TTYH2: variants seen among roughly 807,000 people sequenced by gnomAD.
TTYH2 encodes protein tweety homolog 2.
A neutral mutation model predicts 68.3 loss-of-function variants in TTYH2; 49 were observed. That is an observed-to-expected ratio of 0.72 (90% confidence interval 0.57 to 0.91). The LOEUF is 0.91. TTYH2 is among the 40% of genes least tolerant of loss of function. TTYH2 has a pLI of 0.00. For synonymous variants in TTYH2, 272 were observed against 300.8 expected, an observed-to-expected ratio of 0.90 and a Z score of 0.99; for missense variants, 631 against 700.4, an observed-to-expected ratio of 0.90 and a Z score of 1.12.
At position 74,214,227 on chromosome 17, in the gene TTYH2, C is replaced by T. The variant is rs2050200182; in HGVS notation, c.129+511C>T. ...GTCGGTCTTCGCAGCACCCCTCCTC[C>T]CCAGCCCCGGCCTGCAGGGTGGGAG... is the stretch of plus-strand genomic sequence containing the variant. On this transcript the variant is annotated intron_variant, in intron 1 of 13. Transcript: ENST00000269346. This position sits in a 1 kb window ranked among gnomAD's most constrained non-coding sequence, Gnocchi z 4.6. Among the ~76,000 whole-genome samples, 1 of 152,014 alleles carries T rather than the reference C, an allele frequency of 6.6e-6. No individual in the cohort carries two copies. Among genetic ancestry groups the T allele is most frequent in the Non-Finnish European group, 1.5e-5 (1 of 67,960 alleles).
chr17:74,220,629 C>T (rs1035106933), intron 1 of TTYH2, among the ~76,000 whole-genome samples: 1 of 152,192 alleles, frequency 6.6e-6, no homozygotes, highest in South Asian at 2.1e-4. Context: ...TTTCCACCAT[C>T]TCTTTCTATC....
chr17:74,237,741 C>T (rs2050458801), intron 4 of TTYH2, among the ~76,000 whole-genome samples: 1 of 152,168 alleles, frequency 6.6e-6, no homozygotes, highest in East Asian at 1.9e-4. Context: ...ATTCTCTTGC[C>T]TCAGCCTCCC....
rs1399996928 is a variant in TTYH2 at position 74,215,150 on chromosome 17, G to A, written c.129+1434G>A. Reference sequence around the variant, plus strand: ...CCCAGAGAATGCATGAAAAGAGGCGGATATGATTTCAGAAACAGCCGTGTG... The same window carrying A: ...CCCAGAGAATGCATGAAAAGAGGCGAATATGATTTCAGAAACAGCCGTGTG... On this transcript the variant is annotated intron_variant, in intron 1 of 13. Transcript: ENST00000269346. This position sits in a 1 kb window ranked among gnomAD's most constrained non-coding sequence, Gnocchi z 4.3. Among the ~76,000 whole-genome samples the A allele has an allele frequency of 6.7e-6, 1 of 150,128 alleles. No individual in the cohort carries two copies. The highest frequency in any genetic ancestry group is 2.5e-5 in the African/African-American group (1 of 40,122).
chr17:74,222,788 CTT>C lies in TTYH2; in HGVS notation c.302+143_302+144del, dbSNP rs111287638. The C allele has an allele frequency of 0.013, 11,315 of 900,616 alleles. No individual in the cohort carries two copies. Among genetic ancestry groups the C allele is most frequent in the South Asian group, 0.019 (850 of 44,708 alleles). 55.8% of individuals were successfully genotyped at this position (900,616 alleles called of 1,614,324 possible). Reference sequence around the variant, plus strand: ...GCTTGTCCCCAGATGAATGTTGTCCCTTTTTTTTTTTTTACCAAGCATCAGGA... The same window carrying C: ...GCTTGTCCCCAGATGAATGTTGTCCCTTTTTTTTTTTACCAAGCATCAGGA... On this transcript the variant is annotated intron_variant, in intron 2 of 13. Transcript: ENST00000269346. The surrounding 1 kb of genome is among the most constrained non-coding windows in gnomAD (Gnocchi z 5.2).
chr17:74,237,217 G>T (rs2050452116), intron 3 of TTYH2, 77 bp from the exon 4 acceptor site: 2 of 1,466,040 alleles, frequency 1.4e-6, no homozygotes, highest in East Asian at 2.3e-5. Flanking sequence ...GCCACCTTCT[G>T]CTGCCTGCAA....
intron 4 of TTYH2, 85 bp downstream of exon 4, chr17:74,237,599 TGGA>T (rs1598222564): frequency 8.3e-7 from 1 of 1,205,596 alleles, no homozygotes; most frequent in East Asian, 2.4e-5. Context: ...GAGCTCCAGG[TGGA>T]GAAGGGCCAC....
intron 3 of TTYH2, among the ~76,000 whole-genome samples, chr17:74,231,764 G>A (rs1427067768): frequency 6.6e-6 from 1 of 152,148 alleles, no homozygotes; most frequent in Non-Finnish European, 1.5e-5. Flanking sequence ...CTGGCTTCCA[G>A]GCAGTGACTC....
At position 74,261,196 on chromosome 17, in the gene TTYH2, T is replaced by C. The variant is rs1331566692; in HGVS notation, c.*987T>C. ...TCTGGAGGAGACGGGAAGGAGTCGA[T>C]TCTTAAATAAGGATCAGTGAGGCAT... On this transcript the variant is annotated 3_prime_UTR_variant, in exon 14 of 14. Coordinates refer to ENST00000269346, the MANE Select transcript of TTYH2 (RefSeq NM_032646.6). 6.6e-6 allele frequency: 1 copy of C among 152,340 alleles called. No homozygotes were observed. The highest frequency in any genetic ancestry group is 1.5e-5 in the Non-Finnish European group (1 of 68,030). 9.4% of individuals were successfully genotyped at this position (152,340 alleles called of 1,614,324 possible). A position where few individuals can be genotyped will look rare whatever the true frequency, so the allele number is the denominator to read the frequency against.
chr17:74,259,737 C>T (rs1055673680), intron 13 of TTYH2, among the ~76,000 whole-genome samples: 2 of 152,124 alleles, frequency 1.3e-5, no homozygotes, highest in East Asian at 1.9e-4. Flanking sequence ...CTAGAAAAGG[C>T]TGGAGAACCT....
In TTYH2 at chr17:74,227,987, T is replaced by C. The variant is rs200134220; in HGVS notation, c.303-2901T>C. 2.6e-3 allele frequency among the ~76,000 whole-genome samples: 371 copies of C among 142,388 alleles called. 2 individuals are homozygous for C. Among genetic ancestry groups the C allele is most frequent in the Non-Finnish European group, 4.3e-3 (284 of 66,672 alleles). 93.4% of individuals were successfully genotyped at this position (142,388 alleles called of 152,430 possible). A position where few individuals can be genotyped will look rare whatever the true frequency, so the allele number is the denominator to read the frequency against. ...GAGGTTTCTTTTCTTTTCTTTCTTT[T>C]TTTTTTTTTTTTTTGAGATAGAGTC... On this transcript the variant is annotated intron_variant, in intron 2 of 13. Transcript: ENST00000269346.
Position 74,243,363 on chromosome 17 carries a change from C to G in TTYH2, c.636-11C>G, listed in dbSNP as rs776094338. The G allele has an allele frequency of 7.4e-6, 12 of 1,612,834 alleles. No homozygotes were observed. Among genetic ancestry groups the G allele is most frequent in the South Asian group, 2.2e-5 (2 of 91,040 alleles). ...CCTGCTGCTCCTGACCATCCCTGCC[C>G]CTCTACCCAGGTGGCTCTCCTACCT... On this transcript the variant is annotated splice_polypyrimidine_tract_variant and intron_variant, in intron 4 of 13. Coordinates refer to ENST00000269346, the MANE Select transcript of TTYH2 (RefSeq NM_032646.6).
At chr17:74,243,833 C>G in intron 5 of TTYH2, 144 bp from the exon 6 acceptor site, 1 of 724,822 alleles carries the variant, frequency 1.4e-6, no homozygotes, top group Non-Finnish European at 2.3e-6. Flanking sequence ...TGGTCCTTTC[C>G]TAGTAGTGAG....
At chr17:74,227,643 A>G (rs1223487510) in intron 2 of TTYH2, among the ~76,000 whole-genome samples, 1 of 151,954 alleles carries the variant, frequency 6.6e-6, no homozygotes, top group African/African-American at 2.4e-5. Context: ...TAGTTACACA[A>G]CTCTGGTTGA....
intron 2 of TTYH2, among the ~76,000 whole-genome samples, chr17:74,224,666 G>A (rs959455241): frequency 3.3e-5 from 5 of 152,220 alleles, no homozygotes; most frequent in African/African-American, 9.6e-5. Context: ...TGTCAGCAGA[G>A]GCTGAGAACT....
At chr17:74,255,654 C>G (rs1276044754) in intron 13 of TTYH2, among the ~76,000 whole-genome samples, 1 of 151,938 alleles carries the variant, frequency 6.6e-6, no homozygotes, top group Non-Finnish European at 1.5e-5. Flanking sequence ...GCTGGCTGGT[C>G]TTGAACTCCT....
At chr17:74,243,914 T>TGGGGGTGGGGGGGGGGGGGGGGG in intron 5 of TTYH2, 63 bp from the exon 6 acceptor site, 1 of 1,203,960 alleles carries the variant, frequency 8.3e-7, no homozygotes. Flanking sequence ...GCAGGGTGGG[T>TGGGGGTGGGGGGGGGGGGGGGGG]GGGGTGATGG....
Position 74,239,126 on chromosome 17 carries a change from G to A in TTYH2, c.635+1612G>A, listed in dbSNP as rs1255745401. On this transcript the variant is annotated intron_variant, in intron 4 of 13. Coordinates refer to ENST00000269346, the MANE Select transcript of TTYH2 (RefSeq NM_032646.6). The surrounding 1 kb of genome is among the most constrained non-coding windows in gnomAD (Gnocchi z 5.3). ...CTGGGGCTTTGTTTACATCTCCCCT[G>A]CCTCCCCATTTGCCAAATCCCAGCC... 1.3e-5 allele frequency among the ~76,000 whole-genome samples: 2 copies of A among 152,142 alleles called. No homozygotes were observed. Among genetic ancestry groups the A allele is most frequent in the Admixed American group, 1.3e-4 (2 of 15,284 alleles).
At chr17:74,259,308 C>T (rs1292406871) in intron 13 of TTYH2, among the ~76,000 whole-genome samples, 1 of 152,098 alleles carries the variant, frequency 6.6e-6, no homozygotes, top group Non-Finnish European at 1.5e-5. Flanking sequence ...CTCTTGGGCT[C>T]AAGTACCTTC....
At chr17:74,238,189 C>T (rs1459181333) in intron 4 of TTYH2, among the ~76,000 whole-genome samples, 2 of 152,166 alleles carry the variant, frequency 1.3e-5, no homozygotes, top group Non-Finnish European at 2.9e-5. Flanking sequence ...ATAGGTTCCT[C>T]GCCTGCCAGA....
Sources: allele counts gnomAD v4.1 joint callset (sites outside exome capture counted in the v4.1 genomes callset), GRCh38; gene constraint gnomAD v4.1.1; non-coding constraint Gnocchi (gnomAD v3.1); transcripts MANE v1.5; gene names NCBI Gene and HGNC (gene_info 2026-07-23, HGNC 2026-07-21).